DACH1: variants seen among roughly 807,000 people sequenced by gnomAD.
DACH1 encodes dachshund homolog 1.
In DACH1, 12 loss-of-function variants were observed where a neutral mutation model predicts 54.2. The observed-to-expected ratio is 0.22, with a 90% CI of 0.14 to 0.36. The LOEUF is 0.36. DACH1 is among the 10% of genes least tolerant of loss of function. The pLI is 1.00. For synonymous variants in DACH1, 386 were observed against 366.2 expected, an observed-to-expected ratio of 1.05 and a Z score of -0.62; for missense variants, 805 against 929.8, an observed-to-expected ratio of 0.87 and a Z score of 1.75.
At chr13:71,816,643 TGTGTATATATATACAC>T (rs1345333639) in intron 1 of DACH1, among the ~76,000 whole-genome samples, 10 of 25,146 alleles carry the variant, frequency 4.0e-4, no homozygotes, top group Non-Finnish European at 1.1e-3. Flanking sequence ...CACACATATG[TGTGTATATATATACAC>T]GTGTATATAT....
chr13:71,856,389 A>G (rs1168768399), intron 1 of DACH1, among the ~76,000 whole-genome samples: 1 of 151,960 alleles, frequency 6.6e-6, no homozygotes, highest in African/African-American at 2.4e-5. Flanking sequence ...AACAGCAGAC[A>G]TATATTCATC....
chr13:71,737,389 A>C (rs1048887400), intron 1 of DACH1, among the ~76,000 whole-genome samples: 1 of 152,054 alleles, frequency 6.6e-6, no homozygotes, highest in African/African-American at 2.4e-5. Context: ...GGAAGGAGGG[A>C]TTTGGCAGAA....
At chr13:71,534,753 T>C (rs1882648138) in intron 6 of DACH1, among the ~76,000 whole-genome samples, 1 of 151,916 alleles carries the variant, frequency 6.6e-6, no homozygotes, top group East Asian at 1.9e-4. Flanking sequence ...AATTCCATTG[T>C]CATACAATAT....
intron 2 of DACH1, among the ~76,000 whole-genome samples, chr13:71,641,251 A>G (rs1390953672): frequency 6.6e-6 from 1 of 152,130 alleles, no homozygotes; most frequent in East Asian, 1.9e-4. Flanking sequence ...GAATATATGT[A>G]CACATACATA....
chr13:71,723,708 T>G (rs1369846028), intron 1 of DACH1, among the ~76,000 whole-genome samples: 2 of 152,214 alleles, frequency 1.3e-5, no homozygotes, highest in Non-Finnish European at 1.5e-5. Context: ...TTTTGTTTTT[T>G]GAGACAGAGT....
At chr13:71,846,179 C>G in intron 1 of DACH1, 1 of 223,026 alleles carries the variant, frequency 4.5e-6, no homozygotes, top group Non-Finnish European at 9.7e-6. Flanking sequence ...GCAAACCAAA[C>G]AAATCCAGAG....
intron 1 of DACH1, among the ~76,000 whole-genome samples, chr13:71,791,851 G>C (rs779711069): frequency 9.2e-5 from 14 of 152,168 alleles, no homozygotes; most frequent in Non-Finnish European, 2.1e-4. Flanking sequence ...CTCCAATATA[G>C]TTTGCTCATT....
At chr13:71,636,637 C>T (rs1236043400) in intron 2 of DACH1, among the ~76,000 whole-genome samples, 1 of 150,984 alleles carries the variant, frequency 6.6e-6, no homozygotes, top group Non-Finnish European at 1.5e-5. Context: ...AAAAAGTTTT[C>T]CTTCAGTGGA....
chr13:71,576,499 C>T (rs940467494), intron 3 of DACH1, among the ~76,000 whole-genome samples: 20 of 152,134 alleles, frequency 1.3e-4, no homozygotes, highest in African/African-American at 4.8e-4. Context: ...GGCTCACCCT[C>T]ACTTGATATT....
chr13:71,455,762 C>T (rs1875504739), intron 10 of DACH1, among the ~76,000 whole-genome samples: 1 of 152,054 alleles, frequency 6.6e-6, no homozygotes. Flanking sequence ...AACAAGGCAA[C>T]ATATTTAGTG....
intron 2 of DACH1, among the ~76,000 whole-genome samples, chr13:71,653,557 G>C (rs1218601047): frequency 6.6e-6 from 1 of 152,166 alleles, no homozygotes; most frequent in African/African-American, 2.4e-5. Flanking sequence ...TATCGCACCT[G>C]CTAGGAGAGC....
At chr13:71,797,852 T>C (rs570903417) in intron 1 of DACH1, among the ~76,000 whole-genome samples, 1 of 152,260 alleles carries the variant, frequency 6.6e-6, no homozygotes, top group South Asian at 2.1e-4. Context: ...AACAGAACAA[T>C]GTCAATAGCA....
Position 71,866,523 on chromosome 13 carries a change from C to T in DACH1, c.247G>A (p.Gly83Arg). The stretch of plus-strand genomic sequence containing the variant: ...TTGCCGCTGCTGCCGCCGCCGCCTC[C>T]GCTGCCGCCGCCGCCGCCGCCGCCG... Reference protein sequence around the residue: ...TGGGGGGGGSGGGGGSSGNGG... With the variant: ...TGGGGGGGGSRGGGGSSGNGG... Residue 83 changes from glycine to arginine, a missense_variant, in exon 1 of 11, where the codon GGA becomes AGA. Physicochemically the swap from Gly to Arg is moderately radical, Grantham distance 125. This residue lies in a region of DACH1 where 305 missense variants were observed against 308.7 expected (regional missense o/e 0.99). Coordinates refer to ENST00000613252, the MANE Select transcript of DACH1 (RefSeq NM_080759.6). 8.2e-7 allele frequency: 1 copy of T among 1,222,532 alleles called. No individual in the cohort carries two copies. The highest frequency in any genetic ancestry group is 1.0e-6 in the Non-Finnish European group (1 of 987,782). The allele number at this position is 1,222,532 out of a possible 1,614,324, so 75.7% of individuals were successfully genotyped here.
chr13:71,747,293 C>T (rs1348771553), intron 1 of DACH1, among the ~76,000 whole-genome samples: 5 of 151,866 alleles, frequency 3.3e-5, no homozygotes, highest in Admixed American at 2.6e-4. Flanking sequence ...AATCAGTCAT[C>T]CCAGGCCTGG....
chr13:71,747,308 G>A (rs911526081), intron 1 of DACH1, among the ~76,000 whole-genome samples: 1 of 152,024 alleles, frequency 6.6e-6, no homozygotes, highest in African/African-American at 2.4e-5. Flanking sequence ...GCCTGGCGTC[G>A]TGGCTCATGC....
intron 6 of DACH1, among the ~76,000 whole-genome samples, chr13:71,538,910 A>T (rs1463089338): frequency 6.6e-6 from 1 of 152,074 alleles, no homozygotes; most frequent in African/African-American, 2.4e-5. Context: ...CATTGTCAAC[A>T]TGGTAATTTC....
chr13:71,479,044 G>A (rs1156253172), intron 8 of DACH1, 125 bp downstream of exon 8: 1 of 840,880 alleles, frequency 1.2e-6, no homozygotes, highest in African/African-American at 1.7e-5. Context: ...TTCAAATTCT[G>A]CTCTGAACTT....
chr13:71,821,037 T>A (rs1888164385), intron 1 of DACH1, among the ~76,000 whole-genome samples: 1 of 152,070 alleles, frequency 6.6e-6, no homozygotes, highest in Admixed American at 6.6e-5. Context: ...GGTTGCAGCA[T>A]GAGAAAGCCA....
At chr13:71,749,560 T>G (rs1461262167) in intron 1 of DACH1, among the ~76,000 whole-genome samples, 4 of 152,160 alleles carry the variant, frequency 2.6e-5, no homozygotes, top group Admixed American at 6.5e-5. Context: ...TCAGTAAACA[T>G]AATTATTATT....
Sources: gnomAD v4.1 joint callset for allele counts (sites outside exome capture counted in the v4.1 genomes callset) on GRCh38, gnomAD v4.1.1 for gene constraint, gnomAD v4.1.1 regional missense constraint, MANE v1.5 for transcripts, NCBI Gene and HGNC (gene_info 2026-07-23, HGNC 2026-07-21) for gene names.